IPP: variants seen among roughly 807,000 people sequenced by gnomAD.
IPP encodes the protein intracisternal A particle-promoted polypeptide.
A neutral mutation model predicts 64.1 loss-of-function variants in IPP; 41 were observed. The observed-to-expected ratio is 0.64, with a 90% confidence interval of 0.50 to 0.83. The LOEUF is 0.83. IPP is among the 40% of genes least tolerant of loss of function. The pLI, the probability that IPP is intolerant of heterozygous loss-of-function variation, is 0.00. For missense variants in IPP, 649 were observed against 703.0 expected (o/e 0.92, Z 0.87); for synonymous variants, 214 against 235.2 (o/e 0.91, Z 0.83).
At position 45,727,522 on chromosome 1, in the gene IPP, T is replaced by C. The variant is rs578103795; in HGVS notation, c.1048+109A>G. 5.0e-4 allele frequency: 106 copies of C among 211,134 alleles called. No homozygotes were observed. The highest frequency in any genetic ancestry group is 8.6e-4 in the Non-Finnish European group (91 of 106,162). 13.1% of individuals were successfully genotyped at this position (211,134 alleles called of 1,614,324 possible). A position where few individuals can be genotyped will look rare whatever the true frequency, so the allele number is the denominator to read the frequency against. On this transcript the variant is annotated intron_variant, in intron 5 of 8. Coordinates refer to ENST00000396478, the MANE Select transcript of IPP (RefSeq NM_005897.3). ...CTTCCTTCCTTCCTGTAAATACTTA[T>C]TGAGGACAATTAGATATATGTATAT...
intron 8 of IPP, among the ~76,000 whole-genome samples, chr1:45,704,007 G>C (rs1645486813): frequency 6.6e-6 from 1 of 152,108 alleles, no homozygotes; most frequent in Non-Finnish European, 1.5e-5. Flanking sequence ...CAGTGACTCA[G>C]TGAAGATGCA....
intron 8 of IPP, among the ~76,000 whole-genome samples, chr1:45,712,303 A>G (rs1414442854): frequency 6.6e-6 from 1 of 151,662 alleles, no homozygotes; most frequent in Non-Finnish European, 1.5e-5. Context: ...ACGTCTAAAA[A>G]AAAAAAAAAA....
At position 45,699,597 on chromosome 1, in the gene IPP, T is replaced by G; in HGVS notation, c.*369A>C. The stretch of plus-strand genomic sequence containing the variant: ...GTAAACCTGGCAAATCTGTGTGAGC[T>G]CTTTATTAATTGGGATATATTCCAT... On this transcript the variant is annotated 3_prime_UTR_variant, in exon 9 of 9. Transcript: ENST00000396478. 10 of 995,044 alleles carry G rather than the reference T, an allele frequency of 1.0e-5. No individual in the cohort carries two copies. The highest frequency in any genetic ancestry group is 1.1e-5 in the Non-Finnish European group (9 of 834,488). 61.6% of individuals were successfully genotyped at this position (995,044 alleles called of 1,614,324 possible). A position where few individuals can be genotyped will look rare whatever the true frequency, so the allele number is the denominator to read the frequency against.
chr1:45,738,815 G>C (rs1646014450), intron 3 of IPP, among the ~76,000 whole-genome samples: 1 of 134,422 alleles, frequency 7.4e-6, no homozygotes, highest in Non-Finnish European at 1.6e-5. Context: ...ACTCCAGCCT[G>C]GGTGACAGAG....
Position 45,740,989 on chromosome 1 carries a change from C to G in IPP, c.636G>C (p.Leu212Phe). 3 of 1,613,776 alleles carry G rather than the reference C, an allele frequency of 1.9e-6. No homozygotes were observed. The highest frequency in any genetic ancestry group is 1.7e-6 in the Non-Finnish European group (2 of 1,179,858). ...LAAMQWILKDLGKRRKHVVEV... is the reference protein window; with the variant it reads ...LAAMQWILKDFGKRRKHVVEV... ...CCACCACATGTTTTCTTCTTTTTCC[C>G]AAATCTTTCAGAATCCATTGCATTG... The change falls in exon 3 of 9, where the codon TTG (leucine) becomes TTC (phenylalanine). Residue 212 changes from leucine to phenylalanine, a missense_variant. Leu to Phe is a conservative substitution (Grantham distance 22). Coordinates refer to ENST00000396478, the MANE Select transcript of IPP (RefSeq NM_005897.3).
chr1:45,724,323 G>A (rs1156684223), intron 5 of IPP, among the ~76,000 whole-genome samples: 7 of 151,088 alleles, frequency 4.6e-5, no homozygotes, highest in South Asian at 2.1e-4. Context: ...GCGTGATCTC[G>A]GCTCGCTACA....
At chr1:45,740,875 A>C (rs1646053756) in intron 3 of IPP, 26 bp downstream of exon 3, 1 of 1,411,156 alleles carries the variant, frequency 7.1e-7, no homozygotes, top group African/African-American at 1.4e-5. Context: ...TTAATCAACT[A>C]ATTCGATATA....
chr1:45,709,277 C>T (rs942549616), intron 8 of IPP, among the ~76,000 whole-genome samples: 1 of 149,400 alleles, frequency 6.7e-6, no homozygotes. Flanking sequence ...ACTAAAAATA[C>T]AAAAAATTAG....
chr1:45,745,504 ATAAT>A (rs1646121648), intron 2 of IPP, among the ~76,000 whole-genome samples: 1 of 152,154 alleles, frequency 6.6e-6, no homozygotes, highest in Non-Finnish European at 1.5e-5. Flanking sequence ...TACATGTATC[ATAAT>A]TTATTTAGCC....
At chr1:45,714,162 G>A (rs938424378) in intron 8 of IPP, 84 bp downstream of exon 8, 13 of 957,110 alleles carry the variant, frequency 1.4e-5, no homozygotes, top group Non-Finnish European at 2.1e-5. Context: ...TCAATATCAT[G>A]AGTGAAAAAG....
At chr1:45,704,815 C>T (rs1299001509) in intron 8 of IPP, among the ~76,000 whole-genome samples, 2 of 152,102 alleles carry the variant, frequency 1.3e-5, no homozygotes, top group Non-Finnish European at 2.9e-5. Flanking sequence ...AGGGAAGAGG[C>T]GAAAGCAACT....
intron 3 of IPP, among the ~76,000 whole-genome samples, chr1:45,737,041 T>TC (rs1553193095): frequency 2.2e-4 from 3 of 13,372 alleles, no homozygotes; most frequent in Non-Finnish European, 2.4e-4. Flanking sequence ...AGACTCCATC[T>TC]CAAAAAAAAA....
chr1:45,740,930 G>A lies in IPP; in HGVS notation c.695C>T (p.Pro232Leu), dbSNP rs1417104157. 1.2e-6 allele frequency: 2 copies of A among 1,604,872 alleles called. No individual in the cohort carries two copies. Among genetic ancestry groups the A allele is most frequent in the Non-Finnish European group, 1.7e-6 (2 of 1,176,926 alleles). Residue 232 changes from proline (P) to leucine (L), a missense_variant, in exon 3 of 9, where the codon CCT becomes CTT. Transcript: ENST00000396478. ...VLDPIRFPLLPPQRLLKYIEG... is the reference protein window; with the variant it reads ...VLDPIRFPLLLPQRLLKYIEG... The stretch of plus-strand genomic sequence containing the variant: ...TATATACTTTAAAAGTCTCTGAGGA[G>A]GTAATAAAGGGAATCGAATTGGGTC...
chr1:45,715,649 A>G (rs1044259896), intron 7 of IPP, among the ~76,000 whole-genome samples: 1 of 152,062 alleles, frequency 6.6e-6, no homozygotes, highest in Non-Finnish European at 1.5e-5. Flanking sequence ...TCAAAAAAAA[A>G]AAAAGAAATG....
At chr1:45,695,935 C>T (rs1313397422), downstream of IPP, among the ~76,000 whole-genome samples, 3 of 152,184 alleles carry the variant, frequency 2.0e-5, no homozygotes, top group African/African-American at 7.2e-5. Flanking sequence ...TCCCAAAATT[C>T]TGGGATTACA....
chr1:45,744,788 G>A (rs767721287), intron 2 of IPP, among the ~76,000 whole-genome samples: 9 of 150,782 alleles, frequency 6.0e-5, no homozygotes, highest in Non-Finnish European at 1.3e-4. Flanking sequence ...GCAGTGAGCC[G>A]AGACCACGCC....
In IPP at chr1:45,736,405, G is replaced by T. The variant is rs28589341; in HGVS notation, c.724+4496C>A. Reference sequence around the variant, plus strand: ...TTAAATTGCCTAAATTATTTCAGTTGTAAGTACAATAATATATATACTATG... The same window carrying T: ...TTAAATTGCCTAAATTATTTCAGTTTTAAGTACAATAATATATATACTATG... On this transcript the variant is annotated intron_variant, in intron 3 of 8. Transcript: ENST00000396478. 2.2e-3 allele frequency among the ~76,000 whole-genome samples: 340 copies of T among 151,984 alleles called. 2 individuals are homozygous for T. The highest frequency in any genetic ancestry group is 7.9e-3 in the African/African-American group (326 of 41,438).
intron 7 of IPP, 76 bp from the exon 8 acceptor site, chr1:45,714,542 CTA>C: frequency 3.5e-6 from 3 of 867,804 alleles, no homozygotes; most frequent in Admixed American, 1.8e-5. Flanking sequence ...TGATTGTGAT[CTA>C]TGTTTCCAAT....
intron 3 of IPP, among the ~76,000 whole-genome samples, chr1:45,732,324 T>C (rs28513660): frequency 0.3 from 39,503 of 132,122 alleles, 5,654 homozygotes; most frequent in Middle Eastern, 0.41. Flanking sequence ...ATCATGCCAC[T>C]GCACTCCAGC....
Sources: allele counts gnomAD v4.1 joint callset (sites outside exome capture counted in the v4.1 genomes callset), GRCh38; gene constraint gnomAD v4.1.1; transcripts MANE v1.5; gene names NCBI Gene and HGNC (gene_info 2026-07-23, HGNC 2026-07-21).